ZNF280D: variants seen among roughly 807,000 people sequenced by gnomAD.
ZNF280D encodes the protein suppressor of hairy wing homolog 4.
ZNF280D carries 39 observed loss-of-function variants against 94.7 expected under a neutral mutation model. That is an observed-to-expected ratio of 0.41 (90% CI 0.32 to 0.54). ZNF280D has a LOEUF of 0.54. ZNF280D is among the 20% of genes least tolerant of loss of function. The pLI is 0.22. For missense variants in ZNF280D, 1,090 were observed against 1,149.3 expected, an observed-to-expected ratio of 0.95 and a Z score of 0.75; for synonymous variants, 398 against 377.6, an observed-to-expected ratio of 1.05 and a Z score of -0.63.
At chr15:56,659,925 T>A (rs1019540662) in intron 16 of ZNF280D, among the ~76,000 whole-genome samples, 4 of 151,794 alleles carry the variant, frequency 2.6e-5, no homozygotes, top group African/African-American at 4.8e-5. Flanking sequence ...TATATATATA[T>A]ACATATATTC....
At chr15:56,714,280 G>C (rs2057922461) in intron 1 of ZNF280D, among the ~76,000 whole-genome samples, 1 of 152,178 alleles carries the variant, frequency 6.6e-6, no homozygotes, top group Non-Finnish European at 1.5e-5. Context: ...CAAAATACGG[G>C]ATGATTATAG....
chr15:56,651,013 T>C (rs1348338454), intron 19 of ZNF280D, among the ~76,000 whole-genome samples: 2 of 152,164 alleles, frequency 1.3e-5, no homozygotes, highest in African/African-American at 2.4e-5. Flanking sequence ...TCATCTAACA[T>C]ATTATATGTT....
intron 6 of ZNF280D, 83 bp downstream of exon 6, chr15:56,700,850 G>A: frequency 6.2e-7 from 1 of 1,609,260 alleles, no homozygotes. Flanking sequence ...TGACAGTCCA[G>A]AATTGTAACT....
intron 7 of ZNF280D, among the ~76,000 whole-genome samples, chr15:56,692,307 A>T (rs2056467008): frequency 6.6e-6 from 1 of 152,100 alleles, no homozygotes; most frequent in Non-Finnish European, 1.5e-5. Context: ...TATTAAAAAA[A>T]AACTGGGAGA....
In ZNF280D at chr15:56,701,253, A is replaced by T; in HGVS notation, c.176-15T>A. ...GTTCAAAATATCTATAAAAGATTAT[A>T]TTTATTTTAAAATACATTGTTTGAA... On this transcript the variant is annotated splice_polypyrimidine_tract_variant and intron_variant, in intron 4 of 21. Transcript: ENST00000267807. The T allele has an allele frequency of 1.4e-6, 2 of 1,439,406 alleles. No individual in the cohort carries two copies. Among genetic ancestry groups the T allele is most frequent in the Non-Finnish European group, 1.9e-6 (2 of 1,058,188 alleles). The allele number at this position is 1,439,406 out of a possible 1,614,324, so 89.2% of individuals were successfully genotyped here.
chr15:56,719,038 AG>A (rs2058197253), intron 1 of ZNF280D, among the ~76,000 whole-genome samples: 1 of 152,176 alleles, frequency 6.6e-6, no homozygotes, highest in South Asian at 2.1e-4. Flanking sequence ...TTTTCCACAA[AG>A]TTTAGACCTC....
chr15:56,657,430 T>C (rs2053620427), intron 17 of ZNF280D, among the ~76,000 whole-genome samples: 2 of 152,274 alleles, frequency 1.3e-5, no homozygotes, highest in South Asian at 4.1e-4. Flanking sequence ...ATCTTTTTAA[T>C]ATTCAAATAT....
Position 56,676,748 on chromosome 15 carries a change from A to G in ZNF280D, c.1332T>C (p.Thr444=). Residue 444 remains threonine (T), a synonymous_variant, in exon 13 of 22, where the codon ACT becomes ACC. Coordinates refer to ENST00000267807, the MANE Select transcript of ZNF280D (RefSeq NM_017661.4). ...ETHFRTSHEN[T]KNLLCPFCLK... ...GGCAAAACGGGCATAGCAAGTTCTTAGTGTTTTCATGGGATGTTCTAAAAT... is the reference window on the plus strand; with the variant it reads ...GGCAAAACGGGCATAGCAAGTTCTTGGTGTTTTCATGGGATGTTCTAAAAT... 6.2e-7 allele frequency: 1 copy of G among 1,612,008 alleles called. No individual in the cohort carries two copies. Among genetic ancestry groups the G allele is most frequent in the Non-Finnish European group, 8.5e-7 (1 of 1,178,452 alleles).
chr15:56,632,891 A>T (rs958688894), intron 21 of ZNF280D, among the ~76,000 whole-genome samples: 7 of 148,468 alleles, frequency 4.7e-5, no homozygotes, highest in Admixed American at 2.8e-4. Context: ...AGCCCAATTT[A>T]AAAAAAAAAC....
intron 17 of ZNF280D, among the ~76,000 whole-genome samples, chr15:56,658,204 T>C (rs28893316): frequency 0.15 from 23,448 of 152,042 alleles, 1,903 homozygotes; most frequent in Admixed American, 0.2. Flanking sequence ...TGGAGAGAAA[T>C]GGGAATGACC....
chr15:56,642,060 T>C (rs1239201825), intron 20 of ZNF280D, among the ~76,000 whole-genome samples: 2 of 151,674 alleles, frequency 1.3e-5, no homozygotes, highest in Non-Finnish European at 3.0e-5. Context: ...TAAGGGATAC[T>C]ATAAGCAACT....
At chr15:56,659,913 A>ATAT (rs35063972) in intron 16 of ZNF280D, among the ~76,000 whole-genome samples, 2 of 151,428 alleles carry the variant, frequency 1.3e-5, no homozygotes, top group Admixed American at 6.6e-5. Flanking sequence ...GGAAAAAAAA[A>ATAT]ATATATATAT....
At chr15:56,692,203 T>C (rs1332266148) in intron 7 of ZNF280D, among the ~76,000 whole-genome samples, 2 of 152,076 alleles carry the variant, frequency 1.3e-5, no homozygotes, top group Non-Finnish European at 2.9e-5. Context: ...AACCAGATTG[T>C]TACTAAATAC....
rs756154742 is a variant in ZNF280D, at chr15:56,631,779, C to T, written c.2659G>A (p.Ala887Thr). The change falls in exon 22 of 22, where the codon GCA becomes ACA. Residue 887 changes from alanine (A) to threonine (T), a missense_variant. Transcript: ENST00000267807. Reference protein sequence around the residue: ...SSKNIKDLRLASDNVSIDQFL... With the variant: ...SSKNIKDLRLTSDNVSIDQFL... ...TGATCAATGCTTACATTATCTGATG[C>T]TAATCGCAAATCCTTAATATTCTTT... The T allele has an allele frequency of 1.2e-6, 2 of 1,614,124 alleles. No homozygotes were observed. The highest frequency in any genetic ancestry group is 2.7e-5 in the African/African-American group (2 of 75,056).
At position 56,638,298 on chromosome 15, in the gene ZNF280D, T is replaced by C. The variant is rs192003278; in HGVS notation, c.2260-3048A>G. 4.3e-3 allele frequency among the ~76,000 whole-genome samples: 653 copies of C among 152,252 alleles called. 3 individuals carry two copies. The highest frequency in any genetic ancestry group is 7.8e-3 in the Non-Finnish European group (533 of 68,018). ...CAATAAGTTCCAAATGACCAATGCATGATATTACAAAATTAGGCATGGATA... is the reference window on the plus strand; with the variant it reads ...CAATAAGTTCCAAATGACCAATGCACGATATTACAAAATTAGGCATGGATA... On this transcript the variant is annotated intron_variant, in intron 20 of 21. Transcript: ENST00000267807.
rs1566976725 is a variant in ZNF280D, at chr15:56,682,500, A to AG, written c.781-24_781-23insC. ...ATACTGAAAGAGAAAAAAAAAAAAAAAAAACAAGCCTTACTTATTCTTTAA... is the reference window on the plus strand; with the variant it reads ...ATACTGAAAGAGAAAAAAAAAAAAAAGAAAACAAGCCTTACTTATTCTTTAA... On this transcript the variant is annotated intron_variant, in intron 9 of 21. Transcript: ENST00000267807. The AG allele has an allele frequency of 3.5e-6, 5 of 1,446,398 alleles. No homozygotes were observed. The Admixed American group carries it at 1.3e-4, about 39-fold the overall frequency. The allele number at this position is 1,446,398 out of a possible 1,614,324, so 89.6% of individuals were successfully genotyped here. A position where few individuals can be genotyped will look rare whatever the true frequency, so the allele number is the denominator to read the frequency against.
intron 3 of ZNF280D, 31 bp downstream of exon 3, chr15:56,707,051 T>C: frequency 6.2e-7 from 1 of 1,606,992 alleles, no homozygotes; most frequent in East Asian, 2.2e-5. Flanking sequence ...AAGCCACATA[T>C]ATTAGTATTA....
intron 20 of ZNF280D, among the ~76,000 whole-genome samples, chr15:56,640,309 C>A (rs1596326720): frequency 6.6e-6 from 1 of 152,036 alleles, no homozygotes; most frequent in South Asian, 2.1e-4. Flanking sequence ...TTGTTTTTAG[C>A]AACAGGGTCT....
At chr15:56,669,949 TTATATATATATATTA>T (rs2054676709) in intron 13 of ZNF280D, among the ~76,000 whole-genome samples, 1 of 1,430 alleles carries the variant, frequency 7.0e-4, no homozygotes, top group African/African-American at 1.8e-3. Context: ...TATATATATA[TTATATATATATATTA>T]TATATATATA....
Sources: gnomAD v4.1 joint callset for allele counts (sites outside exome capture counted in the v4.1 genomes callset) on GRCh38, gnomAD v4.1.1 for gene constraint, MANE v1.5 for transcripts, NCBI Gene and HGNC (gene_info 2026-07-23, HGNC 2026-07-21) for gene names.